Variants in ZEB1 observed in about 807,000 individuals in gnomAD.
ZEB1 encodes the protein zinc finger E-box-binding homeobox 1.
In ZEB1, 21 loss-of-function variants were observed where a neutral mutation model predicts 84.9. That is an observed-to-expected ratio of 0.25 (90% CI 0.18 to 0.36). The LOEUF (loss-of-function observed/expected upper bound fraction) is 0.36, where lower values mean the gene tolerates loss of function less well. Ranked by LOEUF, ZEB1 falls within the 10% of genes least tolerant of loss-of-function variation. ZEB1 has a pLI of 1.00. For synonymous variants in ZEB1, 420 were observed against 471.1 expected (o/e 0.89, Z 1.41); for missense variants, 1,104 against 1,330.2 (o/e 0.83, Z 2.65).
chr10:31,418,211 G>A (rs761021579), intron 1 of ZEB1, among the ~76,000 whole-genome samples: 3 of 151,758 alleles, frequency 2.0e-5, no homozygotes, highest in Non-Finnish European at 4.4e-5. Flanking sequence ...GAATGCCAGC[G>A]CCACCTCTGA....
intron 2 of ZEB1, among the ~76,000 whole-genome samples, chr10:31,472,978 T>C (rs1055592306): frequency 1.6e-4 from 22 of 134,808 alleles, no homozygotes; most frequent in Admixed American, 8.9e-4. Context: ...TCTCAATAGA[T>C]GCAGAAAAGG....
chr10:31,457,702 G>C (rs2061394572), intron 1 of ZEB1, among the ~76,000 whole-genome samples: 1 of 152,104 alleles, frequency 6.6e-6, no homozygotes, highest in African/African-American at 2.4e-5. Flanking sequence ...GTCTTTAAGA[G>C]TGCTTTGAGC....
intron 1 of ZEB1, among the ~76,000 whole-genome samples, chr10:31,413,674 AG>A (rs1305039931): frequency 6.6e-6 from 1 of 152,106 alleles, no homozygotes; most frequent in Non-Finnish European, 1.5e-5. Context: ...GTTTTCCTTC[AG>A]GGCAAAAAGT....
At chr10:31,357,829 G>A (rs1455499424) in intron 1 of ZEB1, among the ~76,000 whole-genome samples, 1 of 151,924 alleles carries the variant, frequency 6.6e-6, no homozygotes, top group African/African-American at 2.4e-5. Flanking sequence ...TTTTTTTCAA[G>A]GACTCAGTTT....
At chr10:31,435,191 G>A (rs567457649) in intron 1 of ZEB1, among the ~76,000 whole-genome samples, 2 of 152,218 alleles carry the variant, frequency 1.3e-5, no homozygotes, top group Non-Finnish European at 2.9e-5. Flanking sequence ...TTCTGGCTTT[G>A]AAGATGGAAG....
intron 1 of ZEB1, among the ~76,000 whole-genome samples, chr10:31,339,439 A>G (rs1022320777): frequency 2.6e-5 from 4 of 152,204 alleles, no homozygotes; most frequent in Non-Finnish European, 4.4e-5. Context: ...AATAAAAAGG[A>G]AAGCTCTTGC....
intron 1 of ZEB1, among the ~76,000 whole-genome samples, chr10:31,425,754 T>C (rs1384218539): frequency 6.6e-6 from 1 of 152,142 alleles, no homozygotes; most frequent in African/African-American, 2.4e-5. Flanking sequence ...TCTTGTCTTA[T>C]TTTTCAAGTC....
chr10:31,413,260 G>T (rs1476678023), intron 1 of ZEB1, among the ~76,000 whole-genome samples: 3 of 152,186 alleles, frequency 2.0e-5, no homozygotes, highest in Non-Finnish European at 4.4e-5. Flanking sequence ...GTAAATCAAA[G>T]AATATACTGA....
intron 2 of ZEB1, among the ~76,000 whole-genome samples, chr10:31,482,707 A>T (rs1177289953): frequency 1.3e-5 from 2 of 152,048 alleles, no homozygotes; most frequent in Non-Finnish European, 1.5e-5. Flanking sequence ...TTTCTGATCA[A>T]AATGAAGCAA....
At chr10:31,385,448 C>T in intron 1 of ZEB1, among the ~76,000 whole-genome samples, 1 of 151,874 alleles carries the variant, frequency 6.6e-6, no homozygotes, top group East Asian at 1.9e-4. Flanking sequence ...ACATTCAGTC[C>T]TTTATCAGTA....
chr10:31,466,724 AC>A (rs1371291172), intron 2 of ZEB1, among the ~76,000 whole-genome samples: 2 of 152,174 alleles, frequency 1.3e-5, no homozygotes, highest in Non-Finnish European at 2.9e-5. Context: ...ACAAAGTAAA[AC>A]CAAAGTTAGA....
chr10:31,477,629 T>C (rs2064414540), intron 2 of ZEB1, among the ~76,000 whole-genome samples: 1 of 151,958 alleles, frequency 6.6e-6, no homozygotes, highest in African/African-American at 2.4e-5. Context: ...CTGAACAGCA[T>C]GTTACTGATA....
chr10:31,422,344 G>A lies in ZEB1; in HGVS notation c.59-38693G>A, dbSNP rs2056310285. 2.6e-5 allele frequency among the ~76,000 whole-genome samples: 4 copies of A among 152,138 alleles called. No homozygotes were observed. In the South Asian group the frequency reaches 8.3e-4, roughly 31 times the overall value. On this transcript the variant is annotated intron_variant, in intron 1 of 8. Transcript: ENST00000424869. ...TCATCTCAGTTACCTTAGTTTTGAT[G>A]TGTGGACCAAAGAAAATGTTCAGGA...
intron 1 of ZEB1, among the ~76,000 whole-genome samples, chr10:31,364,528 C>T (rs2044079870): frequency 2.6e-5 from 4 of 152,202 alleles, no homozygotes; most frequent in Admixed American, 2.0e-4. Context: ...TCTCCAGTGC[C>T]TCTGTGCCAC....
intron 1 of ZEB1, among the ~76,000 whole-genome samples, chr10:31,447,884 A>T (rs1471284797): frequency 6.6e-6 from 1 of 151,958 alleles, no homozygotes; most frequent in African/African-American, 2.4e-5. Flanking sequence ...TCTGACAATT[A>T]TGTGTCTTGG....
intron 1 of ZEB1, among the ~76,000 whole-genome samples, chr10:31,379,629 C>T (rs796674256): frequency 1.4e-4 from 21 of 151,630 alleles, no homozygotes; most frequent in African/African-American, 4.8e-4. Flanking sequence ...CGTGAATGTT[C>T]GTTATATAGT....
intron 1 of ZEB1, among the ~76,000 whole-genome samples, chr10:31,458,523 GTT>G (rs929088199): frequency 6.6e-6 from 1 of 151,922 alleles, no homozygotes; most frequent in African/African-American, 2.4e-5. Context: ...TAGTGTGGCT[GTT>G]TTTCCATCTT....
At chr10:31,467,138 G>A (rs1355903375) in intron 2 of ZEB1, among the ~76,000 whole-genome samples, 3 of 152,104 alleles carry the variant, frequency 2.0e-5, no homozygotes, top group African/African-American at 7.2e-5. Context: ...GAAGGTGTGA[G>A]TGAAGAAACC....
chr10:31,363,096 G>A lies in ZEB1; in HGVS notation c.58+43804G>A, dbSNP rs551803055. On this transcript the variant is annotated intron_variant, in intron 1 of 8. Transcript: ENST00000424869. ...GTTTTCTTTTGTGGGACCTGTGGCC[G>A]GCAGCTCTGGGTGGAGAAGACCTAC... is the stretch of plus-strand genomic sequence containing the variant. The A allele has an allele frequency of 2.0e-5, 30 of 1,533,954 alleles. No homozygotes were observed. In the African/African-American group the frequency reaches 2.6e-4, roughly 13 times the overall value.
Sources: gnomAD v4.1 joint callset for allele counts (sites outside exome capture counted in the v4.1 genomes callset) on GRCh38, gnomAD v4.1.1 for gene constraint, MANE v1.5 for transcripts, NCBI Gene and HGNC (gene_info 2026-07-23, HGNC 2026-07-21) for gene names.